The following KDM2A variants were observed in gnomAD, a reference collection of about 807,000 sequenced individuals.
KDM2A encodes the protein lysine demethylase 2A, also known as lysine-specific demethylase 2A.
Under a neutral mutation model 137.3 loss-of-function variants are expected in KDM2A, and 3 were observed. The observed-to-expected ratio is 0.02, with a 90% CI of 0.01 to 0.06. The LOEUF (loss-of-function observed/expected upper bound fraction) is 0.06, where lower values mean the gene tolerates loss of function less well. KDM2A is among the 10% of genes least tolerant of loss of function. KDM2A has a pLI of 1.00. For synonymous variants in KDM2A, 512 were observed against 541.5 expected, an observed-to-expected ratio of 0.95 and a Z score of 0.76; for missense variants, 738 against 1,510.6, an observed-to-expected ratio of 0.49 and a Z score of 8.48.
intron 2 of KDM2A, among the ~76,000 whole-genome samples, chr11:67,123,034 G>C (rs909051223): frequency 3.9e-5 from 6 of 151,904 alleles, no homozygotes; most frequent in African/African-American, 1.5e-4. Context: ...TCAGTGATGT[G>C]ATCATAACTC....
At chr11:67,166,906 G>A (rs1356393814) in intron 2 of KDM2A, among the ~76,000 whole-genome samples, 2 of 151,960 alleles carry the variant, frequency 1.3e-5, no homozygotes, top group East Asian at 1.9e-4. Context: ...GCGAGACCTC[G>A]TCTCTACTAA....
At chr11:67,156,545 G>A (rs748900417) in intron 2 of KDM2A, among the ~76,000 whole-genome samples, 35 of 151,796 alleles carry the variant, frequency 2.3e-4, no homozygotes, top group Non-Finnish European at 4.1e-4. Context: ...GTGAAACCCC[G>A]TCTCTACTAG....
intron 5 of KDM2A, chr11:67,196,691 A>C (rs1857491134): frequency 3.1e-6 from 1 of 325,210 alleles, no homozygotes; most frequent in Admixed American, 4.5e-5. Context: ...CATGGAGACA[A>C]AATAGAATAG....
At chr11:67,175,441 C>A (rs1404607077) in intron 2 of KDM2A, among the ~76,000 whole-genome samples, 4 of 152,190 alleles carry the variant, frequency 2.6e-5, no homozygotes, top group African/African-American at 9.6e-5. Flanking sequence ...CCGAAAAAAA[C>A]CAGCACACAC....
intron 5 of KDM2A, among the ~76,000 whole-genome samples, chr11:67,205,447 C>G (rs1407494202): frequency 6.6e-6 from 1 of 151,996 alleles, no homozygotes; most frequent in Admixed American, 6.6e-5. Context: ...TACATCCAGC[C>G]AGGGCAGGTG....
At chr11:67,230,713 T>C (rs1291112876) in intron 11 of KDM2A, among the ~76,000 whole-genome samples, 4 of 152,114 alleles carry the variant, frequency 2.6e-5, no homozygotes, top group African/African-American at 4.8e-5. Flanking sequence ...TATATTGTAC[T>C]GTTCAGTTGT....
chr11:67,189,437 G>A (rs1481846292), intron 5 of KDM2A, among the ~76,000 whole-genome samples: 1 of 152,168 alleles, frequency 6.6e-6, no homozygotes, highest in Non-Finnish European at 1.5e-5. Flanking sequence ...TATAAAACAC[G>A]GAATCACTGA....
intron 6 of KDM2A, among the ~76,000 whole-genome samples, chr11:67,211,613 C>CAAAAAAAAAAAAAAA (rs377116306): frequency 2.0e-5 from 1 of 50,260 alleles, no homozygotes; most frequent in Non-Finnish European, 3.1e-5. Flanking sequence ...GACCCTGTCT[C>CAAAAAAAAAAAAAAA]AAAAAAAAAA....
intron 2 of KDM2A, among the ~76,000 whole-genome samples, chr11:67,170,604 G>A (rs1403748135): frequency 1.3e-5 from 2 of 151,708 alleles, no homozygotes; most frequent in African/African-American, 2.4e-5. Flanking sequence ...TAGTAGAAAC[G>A]GGGTTTCACC....
At chr11:67,180,247 T>C in intron 3 of KDM2A, 30 bp downstream of exon 3, 2 of 1,605,004 alleles carry the variant, frequency 1.2e-6, no homozygotes, top group Non-Finnish European at 1.7e-6. Context: ...CAGCTTACAG[T>C]CCTTTGATGT....
rs1322273428 is a variant in KDM2A at position 67,257,379 on chromosome 11, T to C, written c.*2324T>C. 6.6e-6 allele frequency: 1 copy of C among 152,470 alleles called. No homozygotes were observed. The allele number at this position is 152,470 out of a possible 1,614,324, so 9.4% of individuals were successfully genotyped here. A position where few individuals can be genotyped will look rare whatever the true frequency, so the allele number is the denominator to read the frequency against. Reference sequence around the variant, plus strand: ...TTTTCTTTGGGACTGTGAGGGGAAATGGTTTTTAGAGGTGAGGGTTGGTCC... The same window carrying C: ...TTTTCTTTGGGACTGTGAGGGGAAACGGTTTTTAGAGGTGAGGGTTGGTCC... On this transcript the variant is annotated 3_prime_UTR_variant, in exon 21 of 21. Coordinates refer to ENST00000529006, the MANE Select transcript of KDM2A (RefSeq NM_012308.3).
At chr11:67,121,142 C>CT in intron 1 of KDM2A, 92 bp from the exon 2 acceptor site, 1 of 615,828 alleles carries the variant, frequency 1.6e-6, no homozygotes, top group South Asian at 2.1e-5. Context: ...TTCAGAGAGC[C>CT]TTTAACACTT....
chr11:67,240,694 C>G (rs899002549), intron 12 of KDM2A, among the ~76,000 whole-genome samples: 3 of 152,168 alleles, frequency 2.0e-5, no homozygotes, highest in Non-Finnish European at 4.4e-5. Context: ...GTCAGCCTTT[C>G]CCGCACTCCA....
At chr11:67,154,972 A>G (rs1389397332) in intron 2 of KDM2A, among the ~76,000 whole-genome samples, 5 of 152,192 alleles carry the variant, frequency 3.3e-5, no homozygotes, top group South Asian at 2.1e-4. Context: ...TAGTGCTGCT[A>G]TCAGCATTTG....
intron 2 of KDM2A, among the ~76,000 whole-genome samples, chr11:67,122,437 C>A (rs1186411276): frequency 1.3e-5 from 2 of 152,020 alleles, no homozygotes; most frequent in Non-Finnish European, 2.9e-5. Flanking sequence ...AGTGATCCTC[C>A]TGCCTCAGCC....
At chr11:67,150,864 G>A (rs1459278445) in intron 2 of KDM2A, among the ~76,000 whole-genome samples, 1 of 151,392 alleles carries the variant, frequency 6.6e-6, no homozygotes, top group Non-Finnish European at 1.5e-5. Context: ...GGAGGTGGGG[G>A]TGGGGTGGAG....
At chr11:67,170,700 AC>A (rs1197773786) in intron 2 of KDM2A, among the ~76,000 whole-genome samples, 1 of 151,800 alleles carries the variant, frequency 6.6e-6, no homozygotes, top group Non-Finnish European at 1.5e-5. Context: ...GGTGTGAGCC[AC>A]CGCACCTGGC....
chr11:67,146,500 CTT>C (rs1452029694), intron 2 of KDM2A, among the ~76,000 whole-genome samples: 3 of 151,816 alleles, frequency 2.0e-5, no homozygotes, highest in Non-Finnish European at 4.4e-5. Context: ...GATTCTCTCT[CTT>C]TGTCTGTCTT....
rs1210553189 is a variant in KDM2A, at chr11:67,223,106, C to T, written c.957+3703C>T. Among the ~76,000 whole-genome samples the T allele has an allele frequency of 2.0e-5, 3 of 151,272 alleles. No individual in the cohort carries two copies. The South Asian group carries it at 6.2e-4, about 31-fold the overall frequency. ...ACTCAGGAGGCTGAGGCAGGAAAAT[C>T]GCTTGAACCTGGGAGGCGGAGGTTG... On this transcript the variant is annotated intron_variant, in intron 10 of 20. Coordinates refer to ENST00000529006, the MANE Select transcript of KDM2A (RefSeq NM_012308.3).
Sources: allele counts gnomAD v4.1 joint callset (sites outside exome capture counted in the v4.1 genomes callset), GRCh38; gene constraint gnomAD v4.1.1; transcripts MANE v1.5; gene names NCBI Gene and HGNC (gene_info 2026-07-23, HGNC 2026-07-21).